The following KCNQ1OT1 variants were observed in gnomAD, a reference collection of about 807,000 sequenced individuals.
KCNQ1OT1 encodes KCNQ1 antisense RNA 2 (non-protein coding).
rs755122472 is a variant in KCNQ1OT1 at position 2,615,890 on chromosome 11, CAA to C, written n.84103_84104del. 9.3e-4 allele frequency: 369 copies of C among 397,974 alleles called. No individual in the cohort carries two copies. The highest frequency in any genetic ancestry group is 1.3e-3 in the Non-Finnish European group (299 of 225,682). The allele number at this position is 397,974 out of a possible 1,614,324, so 24.7% of individuals were successfully genotyped here. A position where few individuals can be genotyped will look rare whatever the true frequency, so the allele number is the denominator to read the frequency against. ...AATACTGGCCTCATAGAATGTATTGCAAAGTTTTTTCTCCTCTGTTTTTTGGA... is the reference window on the plus strand; with the variant it reads ...AATACTGGCCTCATAGAATGTATTGCAGTTTTTTCTCCTCTGTTTTTTGGA... On this transcript the variant is annotated non_coding_transcript_exon_variant, in exon 1 of 1. Coordinates refer to ENST00000597346, the Ensembl canonical transcript of KCNQ1OT1.
rs1458856752 is a variant in KCNQ1OT1 at position 2,626,950 on chromosome 11, T to A, written n.73045A>T. ...GAATTTTAGGATGGGGTTTCTTCTT[T>A]CTGCAAATAACATCATTAGGATTTT... On this transcript the variant is annotated non_coding_transcript_exon_variant, in exon 1 of 1. Transcript: ENST00000597346. The surrounding 1 kb of genome is among the most constrained non-coding windows in gnomAD (Gnocchi z 4.0). 1.3e-5 allele frequency: 5 copies of A among 398,490 alleles called. No homozygotes were observed. The allele number at this position is 398,490 out of a possible 1,614,324, so 24.7% of individuals were successfully genotyped here.
chr11:2,694,048 C>T (rs1850632736), exon 1 of KCNQ1OT1: 1 of 398,584 alleles, frequency 2.5e-6, no homozygotes, highest in South Asian at 1.3e-4. Flanking sequence ...CCATAGATGG[C>T]TGAGGGACGG....
chr11:2,633,123 T>A, exon 1 of KCNQ1OT1: 1 of 398,504 alleles, frequency 2.5e-6, no homozygotes, highest in East Asian at 3.6e-5. Context: ...TGAGGTGAAA[T>A]AATGTCTCAC....
At position 2,662,100 on chromosome 11, in the gene KCNQ1OT1, G is replaced by A. The variant is rs201932283; in HGVS notation, n.37895C>T. ...TCTCACAGTGAGTGCCTACATGTGC[G>A]TGAAGGGCTGGGCTGGAGGGGACTG... On this transcript the variant is annotated non_coding_transcript_exon_variant, in exon 1 of 1. Transcript: ENST00000597346. 100 of 1,614,098 alleles carry A rather than the reference G, an allele frequency of 6.2e-5. No individual in the cohort carries two copies. In the Admixed American group the frequency reaches 1.0e-3, roughly 17 times the overall value.
Position 2,668,051 on chromosome 11 carries a change from A to C in KCNQ1OT1, n.31944T>G, listed in dbSNP as rs1564851874. ...AAGGACCAGCTTTGCCCACATTTGA[A>C]CTTTATGCGGTGGGAATGATGCAAC... On this transcript the variant is annotated non_coding_transcript_exon_variant, in exon 1 of 1. Transcript: ENST00000597346. The surrounding 1 kb of genome is among the most constrained non-coding windows in gnomAD (Gnocchi z 4.3). The C allele has an allele frequency of 2.5e-6, 1 of 398,508 alleles. No homozygotes were observed. Among genetic ancestry groups the C allele is most frequent in the East Asian group, 3.6e-5 (1 of 28,068 alleles). The allele number at this position is 398,508 out of a possible 1,614,324, so 24.7% of individuals were successfully genotyped here.
exon 1 of KCNQ1OT1, chr11:2,635,841 T>C (rs1189174342): frequency 1.3e-5 from 2 of 152,242 alleles, no homozygotes; most frequent in African/African-American, 2.4e-5. Context: ...CATTTGTTTG[T>C]ATCCTCTTTT....
Position 2,673,153 on chromosome 11 carries a change from C to A in KCNQ1OT1, n.26842G>T. On this transcript the variant is annotated non_coding_transcript_exon_variant, in exon 1 of 1. Transcript: ENST00000597346. This position sits in a 1 kb window ranked among gnomAD's most constrained non-coding sequence, Gnocchi z 4.5. ...GCAGGGGTGCTGACCATCCCTGACC[C>A]AAGCACGAGGATCAGAATGGGCCCT... 2.5e-6 allele frequency: 1 copy of A among 398,734 alleles called. No individual in the cohort carries two copies. The highest frequency in any genetic ancestry group is 4.4e-5 in the Admixed American group (1 of 22,740). 24.7% of individuals were successfully genotyped at this position (398,734 alleles called of 1,614,324 possible).
chr11:2,614,927 T>G lies in KCNQ1OT1; in HGVS notation n.85068A>C, dbSNP rs1178213934. The G allele has an allele frequency of 6.0e-5, 24 of 398,342 alleles. 1 individual carries two copies. The highest frequency in any genetic ancestry group is 8.0e-5 in the Non-Finnish European group (18 of 225,970). The allele number at this position is 398,342 out of a possible 1,614,324, so 24.7% of individuals were successfully genotyped here. A position where few individuals can be genotyped will look rare whatever the true frequency, so the allele number is the denominator to read the frequency against. ...AAATCAGTTTTTACATTTCTGCAAA[T>G]AAAAAGGCCCTTGGGATTTTGATAA... On this transcript the variant is annotated non_coding_transcript_exon_variant, in exon 1 of 1. Coordinates refer to ENST00000597346, the Ensembl canonical transcript of KCNQ1OT1.
chr11:2,635,344 G>T (rs959211587), exon 1 of KCNQ1OT1: 4 of 152,100 alleles, frequency 2.6e-5, no homozygotes, highest in Non-Finnish European at 5.9e-5. Flanking sequence ...AATCCATCTT[G>T]AATTAATTTT....
In KCNQ1OT1 at chr11:2,652,500, TG is replaced by T; in HGVS notation, n.47494del. 1 of 398,648 alleles carries T rather than the reference TG, an allele frequency of 2.5e-6. No homozygotes were observed. Among genetic ancestry groups the T allele is most frequent in the Non-Finnish European group, 4.4e-6 (1 of 226,062 alleles). The allele number at this position is 398,648 out of a possible 1,614,324, so 24.7% of individuals were successfully genotyped here. A position where few individuals can be genotyped will look rare whatever the true frequency, so the allele number is the denominator to read the frequency against. ...TCCTCCCCACCTCTCCAGAGGTTTC[TG>T]GGGAATGTCCTGTGAGCTCAACTCT... On this transcript the variant is annotated non_coding_transcript_exon_variant, in exon 1 of 1. Transcript: ENST00000597346. The surrounding 1 kb of genome is among the most constrained non-coding windows in gnomAD (Gnocchi z 5.9).
chr11:2,625,443 G>A (rs1849247021), exon 1 of KCNQ1OT1: 2 of 398,398 alleles, frequency 5.0e-6, no homozygotes, highest in African/African-American at 4.1e-5. Flanking sequence ...TTTTTTAATA[G>A]TAGTCATCTG....
exon 1 of KCNQ1OT1, chr11:2,618,194 A>G (rs1849101026): frequency 1.3e-5 from 5 of 398,290 alleles, no homozygotes; most frequent in Non-Finnish European, 2.2e-5. Context: ...GTTTATTTCT[A>G]TGTATGGTGT....
At position 2,687,904 on chromosome 11, in the gene KCNQ1OT1, A is replaced by G; in HGVS notation, n.12091T>C. Reference sequence around the variant, plus strand: ...TCCCGCGGAAATCCTGGTGGGATGGAAAATCCCCAGCAGTTGTGAGGCTGC... The same window carrying G: ...TCCCGCGGAAATCCTGGTGGGATGGGAAATCCCCAGCAGTTGTGAGGCTGC... On this transcript the variant is annotated non_coding_transcript_exon_variant, in exon 1 of 1. Transcript: ENST00000597346. This position sits in a 1 kb window ranked among gnomAD's most constrained non-coding sequence, Gnocchi z 5.0. 2.5e-6 allele frequency: 1 copy of G among 398,662 alleles called. No individual in the cohort carries two copies. The highest frequency in any genetic ancestry group is 4.4e-6 in the Non-Finnish European group (1 of 226,104). 24.7% of individuals were successfully genotyped at this position (398,662 alleles called of 1,614,324 possible).
chr11:2,671,895 G>T lies in KCNQ1OT1; in HGVS notation n.28100C>A, dbSNP rs1328715546. ...GAGAGGAGGTGGGCAGCACCAGGCA[G>T]CCAGCCTGTGGGCCCCGCTATGCTT... On this transcript the variant is annotated non_coding_transcript_exon_variant, in exon 1 of 1. Transcript: ENST00000597346. This position sits in a 1 kb window ranked among gnomAD's most constrained non-coding sequence, Gnocchi z 4.7. The T allele has an allele frequency of 5.0e-6, 2 of 398,596 alleles. No individual in the cohort carries two copies. Among genetic ancestry groups the T allele is most frequent in the African/African-American group, 4.1e-5 (2 of 48,632 alleles). 24.7% of individuals were successfully genotyped at this position (398,596 alleles called of 1,614,324 possible).
Position 2,647,325 on chromosome 11 carries a change from C to A in KCNQ1OT1, n.52670G>T. 2.5e-6 allele frequency: 1 copy of A among 398,368 alleles called. No homozygotes were observed. The highest frequency in any genetic ancestry group is 1.3e-4 in the South Asian group (1 of 7,816). The allele number at this position is 398,368 out of a possible 1,614,324, so 24.7% of individuals were successfully genotyped here. ...CATCCTTGAATCCCTGGGATAAATC[C>A]CACTTGATTATGGTGTATTATCTTT... On this transcript the variant is annotated non_coding_transcript_exon_variant, in exon 1 of 1. Coordinates refer to ENST00000597346, the Ensembl canonical transcript of KCNQ1OT1. The surrounding 1 kb of genome is among the most constrained non-coding windows in gnomAD (Gnocchi z 4.0).
At chr11:2,609,366 A>C (rs1389327783) in exon 1 of KCNQ1OT1, 2 of 398,312 alleles carry the variant, frequency 5.0e-6, no homozygotes, top group Admixed American at 4.4e-5. Context: ...CTTTTATTTC[A>C]TTATATTCAG....
In KCNQ1OT1 at chr11:2,623,529, T is replaced by A; in HGVS notation, n.76466A>T. On this transcript the variant is annotated non_coding_transcript_exon_variant, in exon 1 of 1. Transcript: ENST00000597346. This position sits in a 1 kb window ranked among gnomAD's most constrained non-coding sequence, Gnocchi z 5.2. ...TGATTGGAATCATACAGTATGTAGT[T>A]TCTTCAGATTGCCTTATTTCACATA... The A allele has an allele frequency of 5.0e-6, 2 of 398,040 alleles. No homozygotes were observed. The highest frequency in any genetic ancestry group is 8.8e-6 in the Non-Finnish European group (2 of 226,048). The allele number at this position is 398,040 out of a possible 1,614,324, so 24.7% of individuals were successfully genotyped here. A position where few individuals can be genotyped will look rare whatever the true frequency, so the allele number is the denominator to read the frequency against.
chr11:2,634,701 G>A (rs1175778491), exon 1 of KCNQ1OT1: 2 of 152,190 alleles, frequency 1.3e-5, no homozygotes, highest in Non-Finnish European at 2.9e-5. Context: ...ACCCAGTAAG[G>A]GGATGGCTGG....
chr11:2,662,642 G>A (rs1194561693), exon 1 of KCNQ1OT1: 1 of 408,702 alleles, frequency 2.4e-6, no homozygotes, highest in African/African-American at 2.0e-5. Flanking sequence ...CCCGGCCACG[G>A]TGTGATTCCC....
Sources: gnomAD v4.1 joint callset for allele counts on GRCh38, gnomAD v4.1.1 for gene constraint, Gnocchi (gnomAD v3.1) non-coding constraint, MANE v1.5 for transcripts, NCBI Gene and HGNC (gene_info 2026-07-23, HGNC 2026-07-21) for gene names.